The following TRPM3 variants were observed in gnomAD, a reference collection of about 807,000 sequenced individuals.
TRPM3 encodes the protein transient receptor potential cation channel subfamily M member 3.
A neutral mutation model predicts 181.2 loss-of-function variants in TRPM3; 77 were observed. The observed-to-expected ratio is 0.42, with a 90% confidence interval of 0.35 to 0.51. TRPM3 has a LOEUF of 0.51. Among genes scored for constraint, TRPM3 ranks in the 20% least tolerant of loss-of-function variants. TRPM3 has a pLI of 0.01. For synonymous variants in TRPM3, 745 were observed against 796.4 expected (o/e 0.94, Z 1.09); for missense variants, 1,759 against 2,196.7 (o/e 0.80, Z 3.98).
intron 22 of TRPM3, among the ~76,000 whole-genome samples, chr9:70,554,868 A>G (rs894272518): frequency 2.0e-5 from 3 of 152,204 alleles, no homozygotes; most frequent in Non-Finnish European, 2.9e-5. Context: ...ATGCAGAATC[A>G]GGCATTTTTG....
intron 1 of TRPM3, among the ~76,000 whole-genome samples, chr9:71,347,498 A>G (rs374744893): frequency 6.6e-6 from 1 of 152,164 alleles, no homozygotes; most frequent in Non-Finnish European, 1.5e-5. Flanking sequence ...GTTGATTTTA[A>G]ATTTTTCAAA....
intron 1 of TRPM3, among the ~76,000 whole-genome samples, chr9:71,253,644 G>A (rs550541772): frequency 5.3e-5 from 8 of 151,982 alleles, no homozygotes; most frequent in African/African-American, 1.9e-4. Flanking sequence ...TAGTATAGAG[G>A]TTCCTCAAAA....
chr9:70,615,831 T>C (rs2062698965), intron 18 of TRPM3, 77 bp downstream of exon 18: 2 of 1,431,930 alleles, frequency 1.4e-6, no homozygotes, highest in African/African-American at 1.4e-5. Context: ...AAGGAGTTAC[T>C]GAATCTTGAG....
intron 1 of TRPM3, among the ~76,000 whole-genome samples, chr9:71,284,989 T>C (rs2085160717): frequency 6.6e-6 from 1 of 152,220 alleles, no homozygotes; most frequent in Non-Finnish European, 1.5e-5. Flanking sequence ...TTTTAAAAAA[T>C]ACATTTTCCA....
At chr9:71,260,655 G>A (rs1445008618) in intron 1 of TRPM3, among the ~76,000 whole-genome samples, 1 of 152,140 alleles carries the variant, frequency 6.6e-6, no homozygotes, top group Non-Finnish European at 1.5e-5. Context: ...GTGAATGGGA[G>A]TTTGCTCATT....
At chr9:71,259,489 C>A (rs2082893840) in intron 1 of TRPM3, among the ~76,000 whole-genome samples, 1 of 152,174 alleles carries the variant, frequency 6.6e-6, no homozygotes, top group Non-Finnish European at 1.5e-5. Context: ...AATGGTTGAA[C>A]TAATTTGTAT....
intron 1 of TRPM3, chr9:70,917,284 G>C: frequency 7.0e-7 from 1 of 1,421,250 alleles, no homozygotes; most frequent in Non-Finnish European, 9.9e-7. Context: ...AGTCAATTAG[G>C]AAGCGAAAGT....
chr9:71,413,858 CTTT>C (rs564664274), intron 1 of TRPM3, among the ~76,000 whole-genome samples: 2 of 144,802 alleles, frequency 1.4e-5, no homozygotes, highest in African/African-American at 2.5e-5. Flanking sequence ...ATACATTTCT[CTTT>C]TTTTTTTTTT....
chr9:70,671,163 G>T (rs1197157222), intron 9 of TRPM3, among the ~76,000 whole-genome samples: 1 of 152,118 alleles, frequency 6.6e-6, no homozygotes, highest in African/African-American at 2.4e-5. Context: ...TGCTTTGCTT[G>T]CATTATCAAT....
At chr9:70,770,298 T>C (rs2079977964) in intron 7 of TRPM3, among the ~76,000 whole-genome samples, 1 of 152,232 alleles carries the variant, frequency 6.6e-6, no homozygotes, top group Non-Finnish European at 1.5e-5. Context: ...GTAGCTCTTG[T>C]CAGGAACAGA....
At chr9:70,987,255 T>A (rs560212119) in intron 1 of TRPM3, among the ~76,000 whole-genome samples, 2 of 152,104 alleles carry the variant, frequency 1.3e-5, no homozygotes, top group Non-Finnish European at 2.9e-5. Context: ...AAATACAGAA[T>A]GGCTCAAAAC....
Position 70,533,485 on chromosome 9 carries a change from A to C in TRPM3, c.*2468T>G, listed in dbSNP as rs2041171562. ...GTCTCAAATGTAAAGTGCCTATTAC[A>C]ACTGCATTAACTACGAGCAAACATG... On this transcript the variant is annotated 3_prime_UTR_variant, in exon 26 of 26. Transcript: ENST00000677713. 6.6e-6 allele frequency: 1 copy of C among 152,230 alleles called. No homozygotes were observed. 9.4% of individuals were successfully genotyped at this position (152,230 alleles called of 1,614,324 possible). A position where few individuals can be genotyped will look rare whatever the true frequency, so the allele number is the denominator to read the frequency against.
intron 1 of TRPM3, among the ~76,000 whole-genome samples, chr9:71,095,344 G>A (rs572063535): frequency 1.3e-5 from 2 of 150,980 alleles, no homozygotes; most frequent in Admixed American, 1.3e-4. Flanking sequence ...CTTCTCTCAT[G>A]AAAGAACATG....
chr9:70,811,115 G>C lies in TRPM3; in HGVS notation c.973+16732C>G, dbSNP rs1262178152. The C allele has an allele frequency of 2.9e-6, 4 of 1,373,346 alleles. No homozygotes were observed. The African/African-American group carries it at 5.8e-5, about 20-fold the overall frequency. The allele number at this position is 1,373,346 out of a possible 1,614,324, so 85.1% of individuals were successfully genotyped here. On this transcript the variant is annotated intron_variant, in intron 6 of 25. Transcript: ENST00000677713. ...TTATAAAGGAAATGAAGACTTCTGT[G>C]GTTAATTTCTTGGAGTTTAAGAAGA...
chr9:71,399,767 G>A (rs2093298399), intron 1 of TRPM3, among the ~76,000 whole-genome samples: 1 of 152,062 alleles, frequency 6.6e-6, no homozygotes, highest in Non-Finnish European at 1.5e-5. Flanking sequence ...TCCTGACCTT[G>A]TGATCCGCCC....
intron 11 of TRPM3, 33 bp from the exon 12 acceptor site, chr9:70,635,294 G>C: frequency 2.5e-6 from 4 of 1,603,912 alleles, no homozygotes; most frequent in Non-Finnish European, 3.4e-6. Context: ...AAACAGTTTT[G>C]CTAGTCAGGG....
intron 25 of TRPM3, among the ~76,000 whole-genome samples, chr9:70,545,312 C>G (rs1211235982): frequency 6.6e-6 from 1 of 152,140 alleles, no homozygotes; most frequent in Non-Finnish European, 1.5e-5. Flanking sequence ...AATCTAGGCT[C>G]TAACAACACA....
At chr9:70,902,066 G>T (rs1389858681) in intron 1 of TRPM3, among the ~76,000 whole-genome samples, 1 of 152,172 alleles carries the variant, frequency 6.6e-6, no homozygotes, top group Non-Finnish European at 1.5e-5. Context: ...AGAATGTGAG[G>T]GTCAACCTTA....
At chr9:70,797,210 T>A (rs1404713764) in intron 6 of TRPM3, among the ~76,000 whole-genome samples, 1 of 152,066 alleles carries the variant, frequency 6.6e-6, no homozygotes, top group Admixed American at 6.6e-5. Context: ...ATGATAGGAG[T>A]AATTTTCTCC....
Sources: allele counts gnomAD v4.1 joint callset (sites outside exome capture counted in the v4.1 genomes callset), GRCh38; gene constraint gnomAD v4.1.1; transcripts MANE v1.5; gene names NCBI Gene and HGNC (gene_info 2026-07-23, HGNC 2026-07-21).